Variants in ENTPD6 observed in about 807,000 individuals in gnomAD.
ENTPD6 encodes the protein ectonucleoside triphosphate diphosphohydrolase 6.
In ENTPD6, 46 loss-of-function variants were observed where a neutral mutation model predicts 61.5. That is an observed-to-expected ratio of 0.75 (90% CI 0.59 to 0.96). ENTPD6 has a LOEUF of 0.96. Ranked by LOEUF, ENTPD6 falls within the 40% of genes least tolerant of loss-of-function variation. The pLI, the probability that ENTPD6 is intolerant of heterozygous loss-of-function variation, is 0.00. For missense variants in ENTPD6, 612 were observed against 629.0 expected, an observed-to-expected ratio of 0.97 and a Z score of 0.29; for synonymous variants, 252 against 255.5, an observed-to-expected ratio of 0.99 and a Z score of 0.13.
chr20:25,227,663 C>T lies in ENTPD6; in HGVS notation c.*2066C>T, dbSNP rs372609830. ...TTGACAAGCTCAGACAGGTCTCACACGCCCCACATGCCACCCCAGCCCGCG... is the reference window on the plus strand; with the variant it reads ...TTGACAAGCTCAGACAGGTCTCACATGCCCCACATGCCACCCCAGCCCGCG... On this transcript the variant is annotated 3_prime_UTR_variant, in exon 15 of 15. Coordinates refer to ENST00000376652, the MANE Select transcript of ENTPD6 (RefSeq NM_001247.5). Among the ~76,000 whole-genome samples, 141 of 152,374 alleles carry T rather than the reference C, an allele frequency of 9.3e-4. 7 individuals carry two copies. The South Asian group carries it at 0.028, about 30-fold the overall frequency.
intron 1 of ENTPD6, among the ~76,000 whole-genome samples, chr20:25,205,917 C>G (rs2091458425): frequency 6.6e-6 from 1 of 152,258 alleles, no homozygotes; most frequent in African/African-American, 2.4e-5. Context: ...CCCAAACAGC[C>G]TCAGGTAGCG....
At chr20:25,223,408 G>A (rs918063045) in intron 12 of ENTPD6, among the ~76,000 whole-genome samples, 6 of 152,224 alleles carry the variant, frequency 3.9e-5, no homozygotes, top group African/African-American at 1.4e-4. Flanking sequence ...CCAGATTAGG[G>A]CGGAAAAAGG....
chr20:25,222,604 G>T, intron 11 of ENTPD6: 1 of 477,516 alleles, frequency 2.1e-6, no homozygotes, highest in South Asian at 3.0e-5. Flanking sequence ...CGCTGCCTTC[G>T]TGCCCACGGT....
At chr20:25,200,924 C>G in intron 1 of ENTPD6, among the ~76,000 whole-genome samples, 1 of 151,900 alleles carries the variant, frequency 6.6e-6, no homozygotes, top group East Asian at 1.9e-4. Context: ...GCCCTTTCTT[C>G]TTTTCTAAAG....
chr20:25,216,793 G>A, intron 8 of ENTPD6, 57 bp downstream of exon 8: 1 of 1,415,920 alleles, frequency 7.1e-7, no homozygotes, highest in Admixed American at 2.0e-5. Flanking sequence ...ACCGCCATGG[G>A]GGTGCAGGGT....
chr20:25,222,751 T>A, intron 11 of ENTPD6, 87 bp from the exon 12 acceptor site: 1 of 1,536,454 alleles, frequency 6.5e-7, no homozygotes, highest in Non-Finnish European at 8.8e-7. Flanking sequence ...CAGGTCAGAG[T>A]CTCAAGTCCC....
Position 25,227,301 on chromosome 20 carries a change from G to A in ENTPD6, c.*1704G>A, listed in dbSNP as rs986355715. 2.7e-4 allele frequency among the ~76,000 whole-genome samples: 41 copies of A among 152,210 alleles called. No homozygotes were observed. Among genetic ancestry groups the A allele is most frequent in the Non-Finnish European group, 5.4e-4 (37 of 68,044 alleles). On this transcript the variant is annotated 3_prime_UTR_variant, in exon 15 of 15. Transcript: ENST00000376652. ...CCGCCTGGGCTGGGTCCCCACCAGC[G>A]CCTTTACTTCCATAATATCCACCAG... is the stretch of plus-strand genomic sequence containing the variant.
intron 12 of ENTPD6, 99 bp from the exon 13 acceptor site, chr20:25,224,002 T>G: frequency 8.7e-7 from 1 of 1,149,666 alleles, no homozygotes; most frequent in East Asian, 2.4e-5. Context: ...GTCAGTGCCT[T>G]GGGGCTCTTG....
At chr20:25,215,492 G>A (rs1285644255) in intron 6 of ENTPD6, among the ~76,000 whole-genome samples, 184 bp from the exon 7 acceptor site, 1 of 152,158 alleles carries the variant, frequency 6.6e-6, no homozygotes, top group African/African-American at 2.4e-5. Flanking sequence ...CAGGACAGTC[G>A]GCCATAGCTG....
rs765540558 is a variant in ENTPD6 at position 25,225,308 on chromosome 20, A to G, written c.1347A>G (p.Lys449=). The G allele has an allele frequency of 6.2e-7, 1 of 1,613,000 alleles. No individual in the cohort carries two copies. The highest frequency in any genetic ancestry group is 1.7e-5 in the Admixed American group (1 of 59,982). ...AGGAGTTCGGCTTTCCCAGGAGCAA[A>G]GTGCTGAAGGTAAGGGTGCCCTCAG... The part of the protein sequence containing the change: ...LLQEFGFPRS[K]VLKLTRKIDN... The change falls in exon 14 of 15, where the codon AAA becomes AAG. Residue 449 remains lysine (K), a synonymous_variant. Coordinates refer to ENST00000376652, the MANE Select transcript of ENTPD6 (RefSeq NM_001247.5).
chr20:25,223,752 T>C (rs1217289911), intron 12 of ENTPD6: 1 of 176,584 alleles, frequency 5.7e-6, no homozygotes, highest in African/African-American at 2.4e-5. Context: ...ATACTGTTGC[T>C]GAGCTCAGTT....
rs1289724841 is a variant in ENTPD6, at chr20:25,226,710, A to C, written c.*1113A>C. The C allele has an allele frequency of 6.6e-6, 1 of 152,288 alleles. No homozygotes were observed. Among genetic ancestry groups the C allele is most frequent in the Non-Finnish European group, 1.5e-5 (1 of 68,080 alleles). The allele number at this position is 152,288 out of a possible 1,614,324, so 9.4% of individuals were successfully genotyped here. ...GTTCCACTCCCAATAAAAGGTTGAC[A>C]GGGGCTTCTCCTTCTCTGGGATTCC... On this transcript the variant is annotated 3_prime_UTR_variant, in exon 15 of 15. Coordinates refer to ENST00000376652, the MANE Select transcript of ENTPD6 (RefSeq NM_001247.5).
chr20:25,218,822 G>C (rs987658568), intron 10 of ENTPD6, among the ~76,000 whole-genome samples: 1 of 152,230 alleles, frequency 6.6e-6, no homozygotes, highest in Non-Finnish European at 1.5e-5. Context: ...TCTTGTTGGT[G>C]GCACCCTGAT....
At chr20:25,213,919 T>C (rs2092147506) in intron 5 of ENTPD6, among the ~76,000 whole-genome samples, 1 of 152,194 alleles carries the variant, frequency 6.6e-6, no homozygotes, top group East Asian at 1.9e-4. Flanking sequence ...CACTGAACTC[T>C]AGCCTGGGCA....
chr20:25,225,514 G>A lies in ENTPD6; in HGVS notation c.1372G>A (p.Asp458Asn), dbSNP rs768788463. Residue 458 changes from aspartate (D) to asparagine (N), a missense_variant, in exon 15 of 15, where the codon GAC (aspartate) becomes AAC (asparagine). Asp to Asn is a conservative substitution (Grantham distance 23). Coordinates refer to ENST00000376652, the MANE Select transcript of ENTPD6 (RefSeq NM_001247.5). ...TCTTTTCAAGCTCACTCGGAAAATT[G>A]ACAATGTTGAGACCAGCTGGGCTCT... ...SKVLKLTRKI[D>N]NVETSWALGA... The A allele has an allele frequency of 6.2e-7, 1 of 1,613,930 alleles. No homozygotes were observed. The highest frequency in any genetic ancestry group is 8.5e-7 in the Non-Finnish European group (1 of 1,179,912).
intron 10 of ENTPD6, among the ~76,000 whole-genome samples, chr20:25,219,959 A>G (rs1162110426): frequency 1.3e-5 from 2 of 152,114 alleles, no homozygotes; most frequent in Admixed American, 1.3e-4. Context: ...GGGCCAAAAA[A>G]CACCTATTAT....
At position 25,214,861 on chromosome 20, in the gene ENTPD6, A is replaced by G; in HGVS notation, c.598-6A>G. The stretch of plus-strand genomic sequence containing the variant: ...AGGATGAAGTAACATCTCTCTTTAC[A>G]TTTAGGTGAAAAAAGTATTTAAAGC... On this transcript the variant is annotated splice_region_variant and splice_polypyrimidine_tract_variant and intron_variant, in intron 5 of 14. Coordinates refer to ENST00000376652, the MANE Select transcript of ENTPD6 (RefSeq NM_001247.5). The G allele has an allele frequency of 2.8e-6, 4 of 1,439,900 alleles. No individual in the cohort carries two copies. Among genetic ancestry groups the G allele is most frequent in the South Asian group, 2.3e-5 (2 of 87,486 alleles). 89.2% of individuals were successfully genotyped at this position (1,439,900 alleles called of 1,614,324 possible).
chr20:25,216,516 G>A, intron 7 of ENTPD6, 132 bp from the exon 8 acceptor site: 3 of 648,758 alleles, frequency 4.6e-6, no homozygotes, highest in Non-Finnish European at 8.2e-6. Flanking sequence ...ACCCTTAAAT[G>A]GAGATTTGTC....
At chr20:25,212,775 G>A (rs1484881064) in intron 4 of ENTPD6, among the ~76,000 whole-genome samples, 7 of 151,958 alleles carry the variant, frequency 4.6e-5, no homozygotes, top group Non-Finnish European at 7.4e-5. Context: ...GTGCCATCTC[G>A]GCTCACTGCA....
Sources: allele counts gnomAD v4.1 joint callset (sites outside exome capture counted in the v4.1 genomes callset), GRCh38; gene constraint gnomAD v4.1.1; transcripts MANE v1.5; gene names NCBI Gene and HGNC (gene_info 2026-07-23, HGNC 2026-07-21).